TIGAR: variants seen among roughly 807,000 people sequenced by gnomAD.
TIGAR encodes TP53 induced glycolysis regulatory phosphatase.
Under a neutral mutation model 17.9 loss-of-function variants are expected in TIGAR, and 7 were observed. The observed-to-expected ratio is 0.39, with a 90% CI of 0.22 to 0.73. The LOEUF (loss-of-function observed/expected upper bound fraction) is 0.73, where lower values mean the gene tolerates loss of function less well. TIGAR is among the 30% of genes least tolerant of loss of function. The pLI is 0.42. For synonymous variants in TIGAR, 94 were observed against 108.6 expected, an observed-to-expected ratio of 0.87 and a Z score of 0.84; for missense variants, 258 against 327.4, an observed-to-expected ratio of 0.79 and a Z score of 1.64.
At chr12:4,339,994 C>CT (rs1864702411) in intron 3 of TIGAR, among the ~76,000 whole-genome samples, 1 of 152,184 alleles carries the variant, frequency 6.6e-6, no homozygotes, top group Non-Finnish European at 1.5e-5. Flanking sequence ...AGCCTTTCCT[C>CT]TAAGATCTAG....
intron 2 of TIGAR, among the ~76,000 whole-genome samples, chr12:4,336,205 A>G (rs1864656000): frequency 6.6e-6 from 1 of 152,124 alleles, no homozygotes; most frequent in Non-Finnish European, 1.5e-5. Context: ...TTATTTTACC[A>G]CAGGCCTGAG....
At chr12:4,338,190 A>G (rs1285109756) in intron 3 of TIGAR, among the ~76,000 whole-genome samples, 1 of 152,196 alleles carries the variant, frequency 6.6e-6, no homozygotes, top group Non-Finnish European at 1.5e-5. Flanking sequence ...CCATGGAAGG[A>G]GAGTTTTGTG....
intron 3 of TIGAR, among the ~76,000 whole-genome samples, chr12:4,345,591 C>G (rs995222815): frequency 1.3e-5 from 2 of 152,178 alleles, no homozygotes; most frequent in Admixed American, 1.3e-4. Context: ...TTCCTTACAC[C>G]TTATACAAAA....
chr12:4,351,335 G>T lies in TIGAR; in HGVS notation c.339G>T (p.Glu113Asp). The change falls in exon 5 of 6, where the codon GAG becomes GAT. Residue 113 changes from glutamate to aspartate, a missense_variant. Physicochemically the swap from Glu to Asp is conservative, Grantham distance 45 (BLOSUM62 2). Coordinates refer to ENST00000179259, the MANE Select transcript of TIGAR (RefSeq NM_020375.3). ...LRAMAKAARE[E>D]CPVFTPPGGE... ...CCATGGCCAAAGCAGCCAGGGAAGA[G>T]TGCCCTGTGTTTACACCGCCCGGAG... is the stretch of plus-strand genomic sequence containing the variant. 6.2e-7 allele frequency: 1 copy of T among 1,614,212 alleles called. No homozygotes were observed. Among genetic ancestry groups the T allele is most frequent in the Non-Finnish European group, 8.5e-7 (1 of 1,180,012 alleles).
At chr12:4,332,234 A>ATTT (rs1555092389) in intron 2 of TIGAR, among the ~76,000 whole-genome samples, 9 of 85,362 alleles carry the variant, frequency 1.1e-4, no homozygotes, top group African/African-American at 2.4e-4. Context: ...AGGCTCATGT[A>ATTT]TTTCTTTTTT....
chr12:4,347,622 C>T (rs560369762), intron 3 of TIGAR, among the ~76,000 whole-genome samples: 34 of 152,222 alleles, frequency 2.2e-4, no homozygotes, highest in African/African-American at 8.2e-4. Context: ...ATGTGATTGT[C>T]ATGCATTGCA....
intron 3 of TIGAR, among the ~76,000 whole-genome samples, chr12:4,339,417 C>A (rs1313058002): frequency 6.6e-6 from 1 of 152,130 alleles, no homozygotes; most frequent in Non-Finnish European, 1.5e-5. Flanking sequence ...AAAAGTCTCC[C>A]AGTAAAGAAG....
chr12:4,326,916 C>A (rs868423415), intron 1 of TIGAR, among the ~76,000 whole-genome samples: 50 of 152,224 alleles, frequency 3.3e-4, no homozygotes, highest in African/African-American at 1.2e-3. Flanking sequence ...TTCTTCTCAC[C>A]CCTCATTTCA....
Position 4,331,299 on chromosome 12 carries a change from A to G in TIGAR, c.52A>G (p.Lys18Glu), listed in dbSNP as rs777723795. 1 of 1,609,866 alleles carries G rather than the reference A, an allele frequency of 6.2e-7. No individual in the cohort carries two copies. The highest frequency in any genetic ancestry group is 1.7e-5 in the Admixed American group (1 of 60,014). ...TTTTAGTGGAGAAACAAGATTTAAC[A>G]AGGAGAAAATAATCCAAGGTTGGTA... The part of the protein sequence containing the change: ...VVRHGETRFN[K>E]EKIIQGQGVD... Residue 18 changes from lysine to glutamate, a missense_variant, in exon 2 of 6, where the codon AAG becomes GAG. By Grantham distance (56) the Lys-to-Glu change is moderately conservative. Transcript: ENST00000179259.
chr12:4,343,028 A>C (rs1172942532), intron 3 of TIGAR, among the ~76,000 whole-genome samples: 3 of 152,208 alleles, frequency 2.0e-5, no homozygotes, highest in African/African-American at 7.2e-5. Flanking sequence ...CTCAAAATAA[A>C]GGGATGGAGG....
At chr12:4,333,979 T>G (rs746592147) in intron 2 of TIGAR, among the ~76,000 whole-genome samples, 13 of 149,574 alleles carry the variant, frequency 8.7e-5, no homozygotes, top group Non-Finnish European at 1.6e-4. Context: ...TTTTTCTTTG[T>G]TTTTTTTTTC....
chr12:4,338,868 T>C (rs549395451), intron 3 of TIGAR, among the ~76,000 whole-genome samples: 1 of 149,900 alleles, frequency 6.7e-6, no homozygotes, highest in Admixed American at 6.8e-5. Flanking sequence ...CCCAGCTACT[T>C]AGCAGGCTGA....
intron 2 of TIGAR, chr12:4,335,433 C>T (rs1200099378): frequency 6.6e-6 from 1 of 151,984 alleles, no homozygotes; most frequent in African/African-American, 2.4e-5. Flanking sequence ...TCATAACTCC[C>T]AATATGATGA....
At chr12:4,351,749 G>T (rs1262927042) in intron 5 of TIGAR, among the ~76,000 whole-genome samples, 1 of 152,178 alleles carries the variant, frequency 6.6e-6, no homozygotes, top group Non-Finnish European at 1.5e-5. Context: ...GTTCATGGTG[G>T]CATCCCTGTG....
rs1032693700 is a variant in TIGAR, at chr12:4,355,152, A to G, written c.*2461A>G. Reference sequence around the variant, plus strand: ...CTTCTCTACCATGAGGTCATACAGTAATGTCTTCTTACAGTTTTTGAGAAC... The same window carrying G: ...CTTCTCTACCATGAGGTCATACAGTGATGTCTTCTTACAGTTTTTGAGAAC... On this transcript the variant is annotated 3_prime_UTR_variant, in exon 6 of 6. Coordinates refer to ENST00000179259, the MANE Select transcript of TIGAR (RefSeq NM_020375.3). 2.6e-5 allele frequency among the ~76,000 whole-genome samples: 4 copies of G among 152,130 alleles called. No individual in the cohort carries two copies. Among genetic ancestry groups the G allele is most frequent in the African/African-American group, 9.7e-5 (4 of 41,428 alleles).
At chr12:4,331,913 T>C (rs1185241547) in intron 2 of TIGAR, among the ~76,000 whole-genome samples, 1 of 152,188 alleles carries the variant, frequency 6.6e-6, no homozygotes, top group African/African-American at 2.4e-5. Flanking sequence ...AAGCATTTAG[T>C]TTTATTTTTT....
intron 3 of TIGAR, among the ~76,000 whole-genome samples, chr12:4,343,664 A>G (rs1446523113): frequency 2.0e-5 from 3 of 152,236 alleles, no homozygotes; most frequent in South Asian, 2.1e-4. Flanking sequence ...AGAAATAAAG[A>G]TGTTCTTTGA....
rs141788641 is a variant in TIGAR at position 4,330,593 on chromosome 12, T to G, written c.33-687T>G. ...GTCTGTCCAGTCTTGCCCATGCACT[T>G]CCCGCCCTTTTCCCCCTCCAGCCTC... On this transcript the variant is annotated intron_variant, in intron 1 of 5. Transcript: ENST00000179259. Among the ~76,000 whole-genome samples the G allele has an allele frequency of 2.1e-3, 324 of 152,322 alleles. 1 individual carries two copies. The highest frequency in any genetic ancestry group is 7.2e-3 in the African/African-American group (301 of 41,580).
intron 1 of TIGAR, among the ~76,000 whole-genome samples, chr12:4,329,398 G>A (rs1166606042): frequency 7.4e-6 from 1 of 135,888 alleles, no homozygotes; most frequent in Non-Finnish European, 1.5e-5. Context: ...GAGTGCAGTG[G>A]TGTGATTGCA....
Sources: allele counts gnomAD v4.1 joint callset (sites outside exome capture counted in the v4.1 genomes callset), GRCh38; gene constraint gnomAD v4.1.1; transcripts MANE v1.5; gene names NCBI Gene and HGNC (gene_info 2026-07-23, HGNC 2026-07-21).